RSRC1: variants seen among roughly 807,000 people sequenced by gnomAD.
RSRC1 encodes the protein arginine and serine rich coiled-coil 1, also known as serine/Arginine-related protein 53.
In RSRC1, 39 loss-of-function variants were observed where a neutral mutation model predicts 49.1. That is an observed-to-expected ratio of 0.79 (90% CI 0.61 to 1.04). RSRC1 has a LOEUF of 1.04. Among genes scored for constraint, RSRC1 ranks in the 50% least tolerant of loss-of-function variants. RSRC1 has a pLI of 0.00. For missense variants in RSRC1, 388 were observed against 402.4 expected, an observed-to-expected ratio of 0.96 and a Z score of 0.31; for synonymous variants, 143 against 130.8, an observed-to-expected ratio of 1.09 and a Z score of -0.63.
chr3:158,128,952 T>C (rs556218308), intron 3 of RSRC1, among the ~76,000 whole-genome samples: 17 of 152,324 alleles, frequency 1.1e-4, no homozygotes, highest in African/African-American at 4.1e-4. Flanking sequence ...TTGTGTACTT[T>C]TTATTGCATC....
At chr3:158,221,140 G>A (rs1722203018) in intron 4 of RSRC1, among the ~76,000 whole-genome samples, 1 of 151,438 alleles carries the variant, frequency 6.6e-6, no homozygotes, top group Non-Finnish European at 1.5e-5. Context: ...TTAATCTTTA[G>A]TCGGTTTCTA....
At chr3:158,465,930 T>C (rs531819608) in intron 7 of RSRC1, among the ~76,000 whole-genome samples, 2 of 152,290 alleles carry the variant, frequency 1.3e-5, no homozygotes, top group African/African-American at 4.8e-5. Context: ...TCTTATTTAG[T>C]AAAGAAAAAA....
At chr3:158,134,384 C>A (rs1237714656) in intron 3 of RSRC1, among the ~76,000 whole-genome samples, 3 of 152,070 alleles carry the variant, frequency 2.0e-5, no homozygotes, top group African/African-American at 7.2e-5. Context: ...ACCTTTACAA[C>A]ATGCTTTTAT....
intron 7 of RSRC1, among the ~76,000 whole-genome samples, chr3:158,464,671 T>C (rs1737788596): frequency 6.6e-6 from 1 of 152,174 alleles, no homozygotes; most frequent in South Asian, 2.1e-4. Flanking sequence ...TCTTTCTTAA[T>C]AATCATTCAG....
chr3:158,514,997 G>C (rs552596146), intron 7 of RSRC1, among the ~76,000 whole-genome samples: 5 of 151,016 alleles, frequency 3.3e-5, no homozygotes, highest in South Asian at 2.1e-4. Flanking sequence ...CTTTTATTTT[G>C]AGCCTATGTG....
chr3:158,305,539 G>C (rs550642241), intron 5 of RSRC1, among the ~76,000 whole-genome samples: 1,797 of 152,092 alleles, frequency 0.012, 29 homozygotes, highest in African/African-American at 0.042. Flanking sequence ...TCATTGCAGG[G>C]CATCCCATGT....
chr3:158,235,100 A>G (rs1364476254), intron 4 of RSRC1, among the ~76,000 whole-genome samples: 1 of 152,132 alleles, frequency 6.6e-6, no homozygotes, highest in Non-Finnish European at 1.5e-5. Context: ...GCCACCACCC[A>G]GTAGTAGTGA....
In RSRC1 at chr3:158,540,329, A is replaced by G. The variant is rs147029725; in HGVS notation, c.760-3006A>G. On this transcript the variant is annotated intron_variant, in intron 8 of 9. Coordinates refer to ENST00000611884, the MANE Select transcript of RSRC1 (RefSeq NM_001271838.2). ...ATAAATATTTATTTAAATGTCTATAAAAGTTAATATTATCATTAACACTGG... is the reference window on the plus strand; with the variant it reads ...ATAAATATTTATTTAAATGTCTATAGAAGTTAATATTATCATTAACACTGG... Among the ~76,000 whole-genome samples the G allele has an allele frequency of 2.3e-3, 344 of 152,316 alleles. 1 individual carries two copies. The highest frequency in any genetic ancestry group is 8.0e-3 in the African/African-American group (332 of 41,572).
At chr3:158,364,525 T>C (rs1731650919) in intron 6 of RSRC1, among the ~76,000 whole-genome samples, 1 of 152,180 alleles carries the variant, frequency 6.6e-6, no homozygotes, top group Admixed American at 6.5e-5. Flanking sequence ...TTTTATTTAC[T>C]GTCCTGTAGT....
rs533298753 is a variant in RSRC1, at chr3:158,503,744, A to C, written c.653-33348A>C. Among the ~76,000 whole-genome samples the C allele has an allele frequency of 4.0e-5, 6 of 149,726 alleles. No homozygotes were observed. In the South Asian group the frequency reaches 1.3e-3, roughly 32 times the overall value. On this transcript the variant is annotated intron_variant, in intron 7 of 9. Coordinates refer to ENST00000611884, the MANE Select transcript of RSRC1 (RefSeq NM_001271838.2). ...GGTCTGACTCCCACCGTGCCCCCCC[A>C]ACAGCCCTGAGTCTGTTTCCAGGTG...
chr3:158,178,100 CTGT>C (rs902045307), intron 3 of RSRC1, among the ~76,000 whole-genome samples: 9 of 151,682 alleles, frequency 5.9e-5, no homozygotes, highest in Admixed American at 2.0e-4. Context: ...GTTTTCATTC[CTGT>C]TGTTGTTTTG....
intron 6 of RSRC1, among the ~76,000 whole-genome samples, chr3:158,413,645 GA>G (rs138249830): frequency 9.3e-4 from 138 of 149,160 alleles, no homozygotes; most frequent in African/African-American, 3.3e-3. Flanking sequence ...AATTACAAGA[GA>G]AAAAAAAAGC....
chr3:158,217,251 A>G (rs1008312565), intron 4 of RSRC1, among the ~76,000 whole-genome samples: 1 of 151,710 alleles, frequency 6.6e-6, no homozygotes, highest in Non-Finnish European at 1.5e-5. Context: ...TTCTCCAAAG[A>G]GTCCGTGATA....
intron 3 of RSRC1, among the ~76,000 whole-genome samples, chr3:158,196,379 A>C (rs1236019403): frequency 6.6e-6 from 1 of 152,206 alleles, no homozygotes; most frequent in Non-Finnish European, 1.5e-5. Flanking sequence ...GAAGTTGCTT[A>C]TCAGCTTAAG....
At chr3:158,505,671 G>A (rs1033599333) in intron 7 of RSRC1, among the ~76,000 whole-genome samples, 2 of 152,010 alleles carry the variant, frequency 1.3e-5, no homozygotes, top group African/African-American at 4.8e-5. Flanking sequence ...AGTTTTGCAT[G>A]CTATAGAAGT....
intron 5 of RSRC1, among the ~76,000 whole-genome samples, chr3:158,327,096 A>AT (rs1450828473): frequency 6.6e-6 from 1 of 152,122 alleles, no homozygotes; most frequent in African/African-American, 2.4e-5. Context: ...GGGATATATC[A>AT]TTTTTTATTG....
intron 5 of RSRC1, among the ~76,000 whole-genome samples, chr3:158,321,981 AC>A (rs1728790710): frequency 1.6e-5 from 2 of 124,524 alleles, no homozygotes; most frequent in East Asian, 4.0e-4. Flanking sequence ...ACCTACACAC[AC>A]ACACACACAC....
intron 7 of RSRC1, among the ~76,000 whole-genome samples, chr3:158,523,578 A>AC (rs1711828522): frequency 6.6e-6 from 1 of 152,080 alleles, no homozygotes; most frequent in Non-Finnish European, 1.5e-5. Context: ...ACCCTAAAAC[A>AC]CTGAGGGTCC....
At chr3:158,125,744 G>T (rs1271139020) in intron 3 of RSRC1, among the ~76,000 whole-genome samples, 1 of 152,060 alleles carries the variant, frequency 6.6e-6, no homozygotes, top group Non-Finnish European at 1.5e-5. Context: ...TAATTCATCT[G>T]TAGTGTTGTT....
Sources: allele counts gnomAD v4.1 joint callset (sites outside exome capture counted in the v4.1 genomes callset), GRCh38; gene constraint gnomAD v4.1.1; transcripts MANE v1.5; gene names NCBI Gene and HGNC (gene_info 2026-07-23, HGNC 2026-07-21).